The following GRIK1 variants were observed in gnomAD, a reference collection of about 807,000 sequenced individuals.
The protein encoded by GRIK1 is glutamate receptor ionotropic, kainate 1.
A neutral mutation model predicts 105.7 loss-of-function variants in GRIK1; 69 were observed. The observed-to-expected ratio is 0.65, with a 90% CI of 0.54 to 0.80. The LOEUF (loss-of-function observed/expected upper bound fraction) is 0.80, where lower values mean the gene tolerates loss of function less well. GRIK1 is among the 30% of genes least tolerant of loss of function. The pLI, the probability that GRIK1 is intolerant of heterozygous loss-of-function variation, is 0.00. For missense variants in GRIK1, 1,109 were observed against 1,167.3 expected (o/e 0.95, Z 0.73); for synonymous variants, 438 against 431.3 (o/e 1.02, Z -0.19).
At chr21:29,771,876 T>C (rs2065821927) in intron 1 of GRIK1, among the ~76,000 whole-genome samples, 3 of 152,230 alleles carry the variant, frequency 2.0e-5, no homozygotes, top group Non-Finnish European at 4.4e-5. Context: ...GCCCGCCCCC[T>C]AGTCCCTCCT....
chr21:29,795,643 T>G (rs1002051414), intron 1 of GRIK1, among the ~76,000 whole-genome samples: 11 of 152,206 alleles, frequency 7.2e-5, no homozygotes, highest in African/African-American at 2.2e-4. Flanking sequence ...TTCAACAGTC[T>G]TCAAGACCAC....
At chr21:29,570,674 C>T (rs1215311292) in intron 14 of GRIK1, among the ~76,000 whole-genome samples, 3 of 152,130 alleles carry the variant, frequency 2.0e-5, no homozygotes, top group Non-Finnish European at 2.9e-5. Flanking sequence ...GTTCTGCCTC[C>T]CTTTAACCTT....
intron 1 of GRIK1, among the ~76,000 whole-genome samples, chr21:29,925,102 G>A (rs1365619879): frequency 6.6e-6 from 1 of 152,228 alleles, no homozygotes; most frequent in Non-Finnish European, 1.5e-5. Context: ...CCTTGTCATA[G>A]AGTTGTATTG....
intron 1 of GRIK1, among the ~76,000 whole-genome samples, chr21:29,781,277 C>A (rs887049022): frequency 9.9e-5 from 15 of 152,078 alleles, no homozygotes; most frequent in Non-Finnish European, 7.4e-5. Context: ...TTTCTCCTTT[C>A]CTAAAACCTC....
chr21:29,541,343 T>A (rs993222650), intron 16 of GRIK1, among the ~76,000 whole-genome samples: 1 of 152,166 alleles, frequency 6.6e-6, no homozygotes, highest in Non-Finnish European at 1.5e-5. Flanking sequence ...TACTTCCTAG[T>A]AGCCAGGTTA....
chr21:29,690,084 T>C, intron 2 of GRIK1, 99 bp from the exon 3 acceptor site: 1 of 913,112 alleles, frequency 1.1e-6, no homozygotes, highest in Non-Finnish European at 1.7e-6. Context: ...TCATGATTCC[T>C]CTTTTTAATG....
intron 1 of GRIK1, among the ~76,000 whole-genome samples, chr21:29,808,449 T>C (rs980444232): frequency 1.3e-5 from 2 of 152,192 alleles, no homozygotes; most frequent in Admixed American, 1.3e-4. Context: ...CTTGTCACCA[T>C]GAACCAGGCT....
At chr21:29,910,718 A>G (rs1482765123) in intron 1 of GRIK1, among the ~76,000 whole-genome samples, 3 of 152,116 alleles carry the variant, frequency 2.0e-5, no homozygotes, top group African/African-American at 7.2e-5. Context: ...ATTATAGGAC[A>G]TGTTGTACTG....
chr21:29,585,812 A>C lies in GRIK1; in HGVS notation c.1793+1554T>G, dbSNP rs192404017. ...CTAATGAAAAATACCTCCAAAGGTA[A>C]ACAATTTATTTTTAAAAATTTTATA... On this transcript the variant is annotated intron_variant, in intron 12 of 17. Coordinates refer to ENST00000327783, the MANE Select transcript of GRIK1 (RefSeq NM_001330994.2). Among the ~76,000 whole-genome samples the C allele has an allele frequency of 2.5e-3, 381 of 152,348 alleles. 2 individuals are homozygous for C. The highest frequency in any genetic ancestry group is 8.9e-3 in the African/African-American group (368 of 41,580).
chr21:29,634,220 C>T (rs957027224), intron 7 of GRIK1, among the ~76,000 whole-genome samples: 1 of 152,102 alleles, frequency 6.6e-6, no homozygotes, highest in African/African-American at 2.4e-5. Context: ...ATTTTTTACT[C>T]TTTGATTTTT....
At chr21:29,650,549 C>T (rs1349639710) in intron 6 of GRIK1, among the ~76,000 whole-genome samples, 1 of 152,196 alleles carries the variant, frequency 6.6e-6, no homozygotes, top group Non-Finnish European at 1.5e-5. Flanking sequence ...ATCTGTTCAG[C>T]AGAGTATCTC....
intron 1 of GRIK1, among the ~76,000 whole-genome samples, chr21:29,828,017 G>C (rs529130487): frequency 1.4e-5 from 2 of 147,502 alleles, no homozygotes; most frequent in African/African-American, 5.1e-5. Flanking sequence ...CTCTCTGTGT[G>C]TGTGTGTGTG....
At chr21:29,668,158 G>A (rs1189130971) in intron 4 of GRIK1, among the ~76,000 whole-genome samples, 1 of 152,188 alleles carries the variant, frequency 6.6e-6, no homozygotes, top group African/African-American at 2.4e-5. Context: ...TGTGTCAAAT[G>A]TAGTAGGTGC....
At chr21:29,580,127 A>G (rs995406873) in intron 13 of GRIK1, among the ~76,000 whole-genome samples, 1 of 134,410 alleles carries the variant, frequency 7.4e-6, no homozygotes, top group Non-Finnish European at 1.6e-5. Context: ...ATACACATAT[A>G]CACACATATA....
rs1175353510 is a variant in GRIK1, at chr21:29,922,964, A to T, written c.118+16419T>A. ...AGTCTACACTAGCTAGAAAGCAATCACCCTTCTTCTTTCTTTTTATTTGAC... is the reference window on the plus strand; with the variant it reads ...AGTCTACACTAGCTAGAAAGCAATCTCCCTTCTTCTTTCTTTTTATTTGAC... On this transcript the variant is annotated intron_variant, in intron 1 of 17. Coordinates refer to ENST00000327783, the MANE Select transcript of GRIK1 (RefSeq NM_001330994.2). 1.2e-4 allele frequency among the ~76,000 whole-genome samples: 18 copies of T among 152,060 alleles called. 1 individual carries two copies.
chr21:29,709,480 C>T (rs2063994644), intron 1 of GRIK1, among the ~76,000 whole-genome samples: 2 of 151,884 alleles, frequency 1.3e-5, no homozygotes, highest in Non-Finnish European at 2.9e-5. Context: ...GGGGTTTCAC[C>T]ATGTTGGCCA....
chr21:29,741,782 T>C (rs2064936128), intron 1 of GRIK1, among the ~76,000 whole-genome samples: 1 of 152,220 alleles, frequency 6.6e-6, no homozygotes, highest in Non-Finnish European at 1.5e-5. Context: ...TAAAATCTCA[T>C]TGGGGACTTT....
chr21:29,787,235 A>T (rs2066282991), intron 1 of GRIK1, among the ~76,000 whole-genome samples: 1 of 152,226 alleles, frequency 6.6e-6, no homozygotes, highest in African/African-American at 2.4e-5. Context: ...TAGTGTTAGA[A>T]TGCCATGTCC....
At chr21:29,568,227 A>G (rs1344686944) in intron 14 of GRIK1, among the ~76,000 whole-genome samples, 1 of 152,236 alleles carries the variant, frequency 6.6e-6, no homozygotes, top group Non-Finnish European at 1.5e-5. Flanking sequence ...TGATGGTAAA[A>G]TTAGCTGGAT....
Sources: gnomAD v4.1 joint callset for allele counts (sites outside exome capture counted in the v4.1 genomes callset) on GRCh38, gnomAD v4.1.1 for gene constraint, MANE v1.5 for transcripts, NCBI Gene and HGNC (gene_info 2026-07-23, HGNC 2026-07-21) for gene names.